SLC35F1: variants seen among roughly 807,000 people sequenced by gnomAD.
The protein encoded by SLC35F1 is chromosome 6 open reading frame 169.
Under a neutral mutation model 48.7 loss-of-function variants are expected in SLC35F1, and 14 were observed. The ratio of observed to expected loss-of-function variants is 0.29; its 90% CI spans 0.19 to 0.45. The LOEUF (loss-of-function observed/expected upper bound fraction) is 0.45. Ranked by LOEUF, SLC35F1 falls within the 20% of genes least tolerant of loss-of-function variation. The probability of loss-of-function intolerance (pLI) is 1.00; values close to 1 mark genes in which losing one functional copy is unlikely to be tolerated. For missense variants in SLC35F1, 404 were observed against 500.0 expected (o/e 0.81, Z 1.83); for synonymous variants, 190 against 202.2 (o/e 0.94, Z 0.51).
At chr6:117,986,132 G>A (rs967495282) in intron 1 of SLC35F1, among the ~76,000 whole-genome samples, 6 of 152,108 alleles carry the variant, frequency 3.9e-5, no homozygotes, top group Non-Finnish European at 8.8e-5. Context: ...ATTGGAATAT[G>A]GCCTTCTCAC....
At chr6:118,093,850 G>T (rs9374715) in intron 1 of SLC35F1, among the ~76,000 whole-genome samples, 86,559 of 152,026 alleles carry the variant, frequency 0.57, 25,448 homozygotes, top group East Asian at 0.86. Flanking sequence ...AGACAGTGTG[G>T]TGTCCTGAAA....
intron 1 of SLC35F1, among the ~76,000 whole-genome samples, chr6:118,029,380 G>GAC (rs1772006840): frequency 1.3e-5 from 2 of 151,556 alleles, no homozygotes; most frequent in African/African-American, 4.9e-5. Flanking sequence ...GAGAGAGAGA[G>GAC]AGACAGAGAG....
At chr6:117,995,616 C>A (rs1776975453) in intron 1 of SLC35F1, among the ~76,000 whole-genome samples, 1 of 152,104 alleles carries the variant, frequency 6.6e-6, no homozygotes, top group Non-Finnish European at 1.5e-5. Context: ...TCGTGGGCAC[C>A]TGTAATCCCA....
At chr6:118,134,640 A>C (rs367834073) in intron 1 of SLC35F1, among the ~76,000 whole-genome samples, 1 of 152,206 alleles carries the variant, frequency 6.6e-6, no homozygotes. Context: ...ACACGTATGA[A>C]GCCTACTCTG....
chr6:118,035,847 C>T (rs9320632), intron 1 of SLC35F1, among the ~76,000 whole-genome samples: 53,122 of 150,678 alleles, frequency 0.35, 10,082 homozygotes, highest in Admixed American at 0.46. Flanking sequence ...CCCCCAACCA[C>T]GCCCGGCTAA....
chr6:117,930,029 C>T (rs1157201470), intron 1 of SLC35F1, among the ~76,000 whole-genome samples: 4 of 152,138 alleles, frequency 2.6e-5, no homozygotes, highest in African/African-American at 7.2e-5. Flanking sequence ...GCTAAATTGC[C>T]CAAAGTCACA....
intron 1 of SLC35F1, among the ~76,000 whole-genome samples, chr6:117,965,897 G>A (rs966337009): frequency 6.6e-6 from 1 of 151,954 alleles, no homozygotes; most frequent in Non-Finnish European, 1.5e-5. Context: ...ATCGGGTAGG[G>A]GACCTGGAGA....
rs1294769114 is a variant in SLC35F1 at position 118,267,274 on chromosome 6, TG to T, written c.637+121del. On this transcript the variant is annotated intron_variant, in intron 4 of 7. Coordinates refer to ENST00000360388, the MANE Select transcript of SLC35F1 (RefSeq NM_001029858.4). ...AGGAACCTGGATTTCCCACTATCTG[TG>T]TCCTGTTCATGTCTGTTCCCCACAC... 6 of 1,179,294 alleles carry T rather than the reference TG, an allele frequency of 5.1e-6. No individual in the cohort carries two copies. The African/African-American group carries it at 9.1e-5, about 18-fold the overall frequency. 73.1% of individuals were successfully genotyped at this position (1,179,294 alleles called of 1,614,324 possible).
intron 1 of SLC35F1, among the ~76,000 whole-genome samples, chr6:118,049,980 G>A (rs1277381100): frequency 5.9e-5 from 9 of 152,210 alleles, no homozygotes; most frequent in South Asian, 2.1e-4. Flanking sequence ...GTCCAACAAC[G>A]ATAGACTGGA....
intron 1 of SLC35F1, among the ~76,000 whole-genome samples, chr6:117,969,603 T>C (rs1355597230): frequency 6.6e-6 from 1 of 152,188 alleles, no homozygotes; most frequent in East Asian, 1.9e-4. Flanking sequence ...TGGTCCTAGC[T>C]ACTCTGGAGG....
chr6:117,960,085 A>G (rs1046592161), intron 1 of SLC35F1, among the ~76,000 whole-genome samples: 1 of 152,024 alleles, frequency 6.6e-6, no homozygotes, highest in African/African-American at 2.4e-5. Context: ...TATTGATTGC[A>G]AGGCATTGAA....
At chr6:118,141,153 T>G (rs1186951024) in intron 1 of SLC35F1, among the ~76,000 whole-genome samples, 1 of 152,184 alleles carries the variant, frequency 6.6e-6, no homozygotes, top group African/African-American at 2.4e-5. Context: ...CAGAGCAACT[T>G]CCAGTCCTGC....
At chr6:117,924,066 GGTACACATGCATATGTA>G (rs1319124482) in intron 1 of SLC35F1, among the ~76,000 whole-genome samples, 15 of 146,400 alleles carry the variant, frequency 1.0e-4, no homozygotes, top group African/African-American at 3.8e-4. Context: ...TACACACATA[GGTACACATGCATATGTA>G]TATACACACA....
At chr6:118,170,680 A>G (rs1394374510) in intron 2 of SLC35F1, among the ~76,000 whole-genome samples, 1 of 152,126 alleles carries the variant, frequency 6.6e-6, no homozygotes, top group African/African-American at 2.4e-5. Context: ...AGCTCAAGCA[A>G]TCCACCTGCC....
chr6:118,172,443 A>T (rs1774420702), intron 2 of SLC35F1, among the ~76,000 whole-genome samples: 1 of 152,282 alleles, frequency 6.6e-6, no homozygotes, highest in Middle Eastern at 3.4e-3. Flanking sequence ...AAATGAAGTG[A>T]ACTTAATATA....
intron 3 of SLC35F1, among the ~76,000 whole-genome samples, chr6:118,257,763 G>T (rs1214861935): frequency 6.6e-6 from 1 of 152,150 alleles, no homozygotes; most frequent in Admixed American, 6.5e-5. Flanking sequence ...ACTATACTCA[G>T]CTTTTCTGAA....
chr6:118,204,005 A>G (rs1411866359), intron 2 of SLC35F1, among the ~76,000 whole-genome samples: 1 of 152,050 alleles, frequency 6.6e-6, no homozygotes, highest in African/African-American at 2.4e-5. Context: ...AATGCCGTAA[A>G]GGAAATAAAC....
At chr6:118,196,903 G>C (rs1047396820) in intron 2 of SLC35F1, among the ~76,000 whole-genome samples, 1 of 151,070 alleles carries the variant, frequency 6.6e-6, no homozygotes. Flanking sequence ...TTATTCTTTT[G>C]CATGTGAACA....
chr6:117,933,583 A>G (rs1350154168), intron 1 of SLC35F1, among the ~76,000 whole-genome samples: 1 of 152,104 alleles, frequency 6.6e-6, no homozygotes, highest in Non-Finnish European at 1.5e-5. Flanking sequence ...TTTATGAGAA[A>G]TTTTAGAAAA....
Sources: gnomAD v4.1 joint callset for allele counts (sites outside exome capture counted in the v4.1 genomes callset) on GRCh38, gnomAD v4.1.1 for gene constraint, MANE v1.5 for transcripts, NCBI Gene and HGNC (gene_info 2026-07-23, HGNC 2026-07-21) for gene names.